The following CPLANE1 variants were observed in gnomAD, a reference collection of about 807,000 sequenced individuals.
The protein encoded by CPLANE1 is ciliogenesis and planar polarity effector 1.
CPLANE1 carries 263 observed loss-of-function variants against 362.5 expected under a neutral mutation model. The observed-to-expected ratio is 0.73, with a 90% CI of 0.66 to 0.80. The LOEUF (loss-of-function observed/expected upper bound fraction) is 0.80. Among genes scored for constraint, CPLANE1 ranks in the 30% least tolerant of loss-of-function variants. The pLI is 0.00. For synonymous variants in CPLANE1, 1,212 were observed against 1,302.6 expected (o/e 0.93, Z 1.50); for missense variants, 3,461 against 3,793.4 (o/e 0.91, Z 2.30).
At chr5:37,165,725 T>C (rs1013457421) in intron 35 of CPLANE1, 54 bp from the exon 36 acceptor site, 2 of 1,512,142 alleles carry the variant, frequency 1.3e-6, no homozygotes, top group African/African-American at 2.8e-5. Flanking sequence ...AACATTTGCT[T>C]TTCATTTATC....
Position 37,199,222 on chromosome 5 carries a change from T to A in CPLANE1, c.3508-356A>T, listed in dbSNP as rs2151422100. 2.0e-5 allele frequency among the ~76,000 whole-genome samples: 3 copies of A among 152,288 alleles called. No homozygotes were observed. In the Middle Eastern group the frequency reaches 0.01, roughly 518 times the overall value. On this transcript the variant is annotated intron_variant, in intron 19 of 52. Coordinates refer to ENST00000651892, the MANE Select transcript of CPLANE1 (RefSeq NM_001384732.1). ...GCTCTGAGATTTCAACTATGGCTAT[T>A]TCTAGAATTGAGAAATGTTATCTCC...
chr5:37,203,858 C>T (rs2150095832), intron 18 of CPLANE1, among the ~76,000 whole-genome samples: 1 of 152,230 alleles, frequency 6.6e-6, no homozygotes, highest in Admixed American at 6.5e-5. Context: ...TTGAATGGGC[C>T]TGTTTCTATT....
At chr5:37,090,750 T>A in the CPLANE1 span, among the ~76,000 whole-genome samples, 2 of 152,222 alleles carry the variant, frequency 1.3e-5, no homozygotes, top group African/African-American at 2.4e-5. Flanking sequence ...GCCCTGATAC[T>A]GGCCTTAGAA....
chr5:37,209,061 G>C lies in CPLANE1; in HGVS notation c.2921-2636C>G, dbSNP rs1172848375. ...GGATGTGAGGCGGTCCTGCCTTGCC[G>C]CCTTCTGTCCCTAGTCTCCGGGTCC... On this transcript the variant is annotated intron_variant, in intron 16 of 52. Coordinates refer to ENST00000651892, the MANE Select transcript of CPLANE1 (RefSeq NM_001384732.1). This position sits in a 1 kb window ranked among gnomAD's most constrained non-coding sequence, Gnocchi z 4.6. Among the ~76,000 whole-genome samples, 1 of 152,216 alleles carries C rather than the reference G, an allele frequency of 6.6e-6. No homozygotes were observed.
At chr5:37,211,118 A>G in intron 16 of CPLANE1, 1 of 1,078,532 alleles carries the variant, frequency 9.3e-7, no homozygotes, top group East Asian at 2.4e-5. Context: ...ATGGTGAGAT[A>G]AGTGGGGATT....
intron 39 of CPLANE1, 151 bp from the exon 40 acceptor site, chr5:37,158,019 G>A: frequency 6.5e-6 from 5 of 771,128 alleles, no homozygotes; most frequent in Non-Finnish European, 1.0e-5. Flanking sequence ...GCCTAACTTA[G>A]GAAAAGGAGC....
At chr5:37,207,736 C>T (rs540580263) in intron 16 of CPLANE1, among the ~76,000 whole-genome samples, 1 of 152,280 alleles carries the variant, frequency 6.6e-6, no homozygotes, top group South Asian at 2.1e-4. Flanking sequence ...ACTTGTACTA[C>T]TCTAACTTAG....
At chr5:37,224,824 TGCCTG>T in intron 12 of CPLANE1, 84 bp from the exon 13 acceptor site, 9 of 834,846 alleles carry the variant, frequency 1.1e-5, no homozygotes, top group Non-Finnish European at 1.7e-5. Context: ...TTTTTTTTTT[TGCCTG>T]TATTCTTCAT....
the CPLANE1 span, among the ~76,000 whole-genome samples, chr5:37,077,606 CTTTTT>C: frequency 4.0e-5 from 3 of 75,922 alleles, no homozygotes; most frequent in Non-Finnish European, 6.7e-5. Flanking sequence ...GTGTGTGTGT[CTTTTT>C]TTTTTTTTTT....
chr5:37,214,401 G>T (rs985520580), intron 15 of CPLANE1, among the ~76,000 whole-genome samples: 1 of 152,224 alleles, frequency 6.6e-6, no homozygotes, highest in East Asian at 1.9e-4. Context: ...CTTGAGTCTA[G>T]GAGGCGGAGG....
intron 15 of CPLANE1, among the ~76,000 whole-genome samples, chr5:37,217,167 C>T (rs1048138290): frequency 6.6e-6 from 1 of 152,050 alleles, no homozygotes; most frequent in Admixed American, 6.6e-5. Flanking sequence ...AGGAATTATA[C>T]AAAGGTAAGA....
In CPLANE1 at chr5:37,165,587, C is replaced by A; in HGVS notation, c.7485G>T (p.Glu2495Asp). Residue 2495 changes from glutamate to aspartate, a missense_variant, in exon 36 of 53, where the codon GAG (glutamate) becomes GAT (aspartate). Around this residue, in one of 2 missense-constraint regions of CPLANE1, gnomAD observed 3,380 missense variants for 3,666.1 expected, o/e 0.92. Coordinates refer to ENST00000651892, the MANE Select transcript of CPLANE1 (RefSeq NM_001384732.1). ...AATCATCATTATTAATTATGGAATT[C>A]TCTGGTCGAAAAGTCACATTTGGTT... is the stretch of plus-strand genomic sequence containing the variant. ...RRKPNVTFRP[E>D]NSIINNDDSE... The A allele has an allele frequency of 1.2e-6, 2 of 1,610,032 alleles. No homozygotes were observed. The highest frequency in any genetic ancestry group is 1.7e-6 in the Non-Finnish European group (2 of 1,178,908).
intron 16 of CPLANE1, 95 bp from the exon 17 acceptor site, chr5:37,206,520 AC>A: frequency 1.3e-6 from 1 of 762,510 alleles, no homozygotes; most frequent in Non-Finnish European, 2.1e-6. Context: ...AGTATTATCT[AC>A]AAAAAACCAC....
intron 43 of CPLANE1, among the ~76,000 whole-genome samples, chr5:37,143,861 C>T (rs992657159): frequency 3.3e-5 from 5 of 150,054 alleles, no homozygotes; most frequent in African/African-American, 9.9e-5. Flanking sequence ...CTTGAACCTG[C>T]GAGGCAGGGG....
intron 32 of CPLANE1, among the ~76,000 whole-genome samples, chr5:37,170,813 G>A (rs146729889): frequency 1.2e-4 from 18 of 152,272 alleles, no homozygotes; most frequent in Non-Finnish European, 1.5e-4. Flanking sequence ...GCACGGGCCC[G>A]TAGTCCCAAC....
intron 46 of CPLANE1, among the ~76,000 whole-genome samples, chr5:37,127,048 C>T (rs963060715): frequency 6.6e-6 from 1 of 152,112 alleles, no homozygotes; most frequent in Non-Finnish European, 1.5e-5. Context: ...AATGGGCTTG[C>T]CTGGTAGACA....
At chr5:37,093,506 G>C in the CPLANE1 span, among the ~76,000 whole-genome samples, 2 of 152,132 alleles carry the variant, frequency 1.3e-5, no homozygotes, top group African/African-American at 4.8e-5. Flanking sequence ...TCACACTATA[G>C]ATCTACACAC....
intron 3 of CPLANE1, 34 bp from the exon 4 acceptor site, chr5:37,245,632 C>T: frequency 4.7e-6 from 7 of 1,495,302 alleles, no homozygotes; most frequent in Middle Eastern, 3.5e-4. Flanking sequence ...TACTTACAAT[C>T]TAGTATTTCC....
intron 19 of CPLANE1, 100 bp downstream of exon 19, chr5:37,201,491 G>A: frequency 2.1e-6 from 2 of 950,542 alleles, no homozygotes; most frequent in South Asian, 1.7e-5. Flanking sequence ...TGTCTTTAGA[G>A]CTTGAATTTT....
Sources: allele counts gnomAD v4.1 joint callset (sites outside exome capture counted in the v4.1 genomes callset), GRCh38; gene constraint gnomAD v4.1.1; regional missense constraint gnomAD v4.1.1; non-coding constraint Gnocchi (gnomAD v3.1); transcripts MANE v1.5; gene names NCBI Gene and HGNC (gene_info 2026-07-23, HGNC 2026-07-21).